The following STX18 variants were observed in gnomAD, a reference collection of about 807,000 sequenced individuals.
STX18 encodes the protein syntaxin-18.
In STX18, 40 loss-of-function variants were observed where a neutral mutation model predicts 50.1. The ratio of observed to expected loss-of-function variants is 0.80; its 90% CI spans 0.62 to 1.04. STX18 has a LOEUF of 1.04. Ranked by LOEUF, STX18 falls within the 50% of genes least tolerant of loss-of-function variation. The pLI is 0.00. For missense variants in STX18, 410 were observed against 415.8 expected (o/e 0.99, Z 0.12); for synonymous variants, 158 against 151.8 (o/e 1.04, Z -0.30).
At chr4:4,433,823 A>C (rs1234915848) in intron 7 of STX18, among the ~76,000 whole-genome samples, 1 of 152,150 alleles carries the variant, frequency 6.6e-6, no homozygotes, top group Non-Finnish European at 1.5e-5. Flanking sequence ...CTGGGGAAAG[A>C]CTGGATCCCA....
chr4:4,505,423 C>G (rs759413578), intron 1 of STX18, among the ~76,000 whole-genome samples: 1 of 152,100 alleles, frequency 6.6e-6, no homozygotes, highest in Non-Finnish European at 1.5e-5. Context: ...GAGCTGATGT[C>G]GAGCATCAAG....
At chr4:4,496,739 G>A (rs913748193) in intron 1 of STX18, among the ~76,000 whole-genome samples, 1 of 152,200 alleles carries the variant, frequency 6.6e-6, no homozygotes, top group Non-Finnish European at 1.5e-5. Flanking sequence ...CTAAACAGCT[G>A]TCTCACCATG....
At chr4:4,499,205 A>T (rs1729324678) in intron 1 of STX18, among the ~76,000 whole-genome samples, 1 of 152,170 alleles carries the variant, frequency 6.6e-6, no homozygotes, top group African/African-American at 2.4e-5. Context: ...TTGAAACACA[A>T]CTCTAAACCG....
Position 4,420,401 on chromosome 4 carries a change from C to A in STX18, c.913-272G>T, listed in dbSNP as rs1724873166. 4.3e-6 allele frequency: 2 copies of A among 467,554 alleles called. No homozygotes were observed. Among genetic ancestry groups the A allele is most frequent in the African/African-American group, 1.9e-5 (1 of 51,314 alleles). The allele number at this position is 467,554 out of a possible 1,614,324, so 29.0% of individuals were successfully genotyped here. A position where few individuals can be genotyped will look rare whatever the true frequency, so the allele number is the denominator to read the frequency against. Reference sequence around the variant, plus strand: ...TCCCTTCTGTCCCAGGGTTAAGGGCCCCGAGCAGAGTGTGACCGCAAGCTT... The same window carrying A: ...TCCCTTCTGTCCCAGGGTTAAGGGCACCGAGCAGAGTGTGACCGCAAGCTT... On this transcript the variant is annotated intron_variant, in intron 10 of 10. Coordinates refer to ENST00000306200, the MANE Select transcript of STX18 (RefSeq NM_016930.4). The surrounding 1 kb of genome is among the most constrained non-coding windows in gnomAD (Gnocchi z 4.3).
At chr4:4,486,428 G>A (rs919799950) in intron 1 of STX18, among the ~76,000 whole-genome samples, 4 of 152,192 alleles carry the variant, frequency 2.6e-5, no homozygotes, top group Admixed American at 2.0e-4. Flanking sequence ...AACAGACAAC[G>A]AATGTGGATA....
intron 5 of STX18, among the ~76,000 whole-genome samples, chr4:4,442,768 TG>T (rs1246476749): frequency 7.1e-6 from 1 of 141,166 alleles, no homozygotes; most frequent in Admixed American, 7.4e-5. Flanking sequence ...AATTTTGCTA[TG>T]AACGTAAAAC....
chr4:4,491,989 T>C (rs1472628122), intron 1 of STX18, among the ~76,000 whole-genome samples: 1 of 152,182 alleles, frequency 6.6e-6, no homozygotes, highest in Non-Finnish European at 1.5e-5. Context: ...CTATTTCCTG[T>C]AATTTTAGAT....
intron 2 of STX18, among the ~76,000 whole-genome samples, chr4:4,460,590 C>T (rs907392471): frequency 6.6e-6 from 1 of 152,154 alleles, no homozygotes; most frequent in African/African-American, 2.4e-5. Context: ...CCCTATCCCA[C>T]GGCCCCTACC....
In STX18 at chr4:4,536,091, G is replaced by A. The variant is rs753872807; in HGVS notation, c.168+5706C>T. Among the ~76,000 whole-genome samples, 12 of 152,260 alleles carry A rather than the reference G, an allele frequency of 7.9e-5. No homozygotes were observed. The South Asian group carries it at 8.3e-4, about 11-fold the overall frequency. On this transcript the variant is annotated intron_variant, in intron 1 of 10. Coordinates refer to ENST00000306200, the MANE Select transcript of STX18 (RefSeq NM_016930.4). ...AATGTAAATGTGTTGAGGGAGGAAC[G>A]GAATCTTAGTAATAAAAGCTACTAT... is the stretch of plus-strand genomic sequence containing the variant.
intron 1 of STX18, among the ~76,000 whole-genome samples, chr4:4,514,778 G>GA (rs1006201920): frequency 4.0e-4 from 58 of 144,816 alleles, no homozygotes; most frequent in Non-Finnish European, 5.2e-4. Flanking sequence ...TGGTCTGTGG[G>GA]AAAAAAAAAA....
chr4:4,470,312 C>T (rs891029072), intron 2 of STX18, among the ~76,000 whole-genome samples: 2 of 152,154 alleles, frequency 1.3e-5, no homozygotes, highest in Non-Finnish European at 2.9e-5. Context: ...ACTCCTCTTC[C>T]TAGTTGGGAA....
chr4:4,536,358 T>G (rs1224319316), intron 1 of STX18, among the ~76,000 whole-genome samples: 1 of 152,218 alleles, frequency 6.6e-6, no homozygotes, highest in Non-Finnish European at 1.5e-5. Context: ...AACACAAAGT[T>G]CTTCATTTTC....
chr4:4,424,153 T>A (rs1274972366), intron 8 of STX18, among the ~76,000 whole-genome samples: 2 of 151,948 alleles, frequency 1.3e-5, no homozygotes, highest in African/African-American at 4.8e-5. Context: ...TTCTGTCGGA[T>A]CTGAAACACT....
chr4:4,509,765 G>C (rs547914153), intron 1 of STX18, among the ~76,000 whole-genome samples: 1 of 152,164 alleles, frequency 6.6e-6, no homozygotes, highest in East Asian at 1.9e-4. Context: ...TTTCAACAGG[G>C]TGGTCAGGAT....
intron 1 of STX18, among the ~76,000 whole-genome samples, chr4:4,534,006 C>T (rs10018574): frequency 0.15 from 23,313 of 152,202 alleles, 1,909 homozygotes; most frequent in Non-Finnish European, 0.18. Flanking sequence ...ACGGGCCATC[C>T]TAAGTTTCTA....
intron 4 of STX18, 61 bp downstream of exon 4, chr4:4,457,362 A>C: frequency 6.4e-7 from 1 of 1,570,588 alleles, no homozygotes; most frequent in East Asian, 2.2e-5. Flanking sequence ...TAGCAAAGCT[A>C]AATTCTGCAT....
chr4:4,511,713 A>AGTGTGTGTGTGTGTGTGT (rs3038434), intron 1 of STX18, among the ~76,000 whole-genome samples: 2 of 137,420 alleles, frequency 1.5e-5, no homozygotes, highest in East Asian at 2.2e-4. Context: ...ACTCATGATT[A>AGTGTGTGTGTGTGTGTGT]GTGTGTGTGT....
At chr4:4,457,794 A>C (rs1410069909) in intron 3 of STX18, among the ~76,000 whole-genome samples, 1 of 152,218 alleles carries the variant, frequency 6.6e-6, no homozygotes, top group East Asian at 1.9e-4. Context: ...ATCTGTGTTA[A>C]CAGCATCCAA....
At chr4:4,511,350 C>T (rs1729995441) in intron 1 of STX18, among the ~76,000 whole-genome samples, 1 of 152,156 alleles carries the variant, frequency 6.6e-6, no homozygotes, top group Admixed American at 6.5e-5. Context: ...CATATGACAG[C>T]TATGTTTTGT....
Sources: allele counts gnomAD v4.1 joint callset (sites outside exome capture counted in the v4.1 genomes callset), GRCh38; gene constraint gnomAD v4.1.1; non-coding constraint Gnocchi (gnomAD v3.1); transcripts MANE v1.5; gene names NCBI Gene and HGNC (gene_info 2026-07-23, HGNC 2026-07-21).